PCDH11X: variants seen among roughly 807,000 people sequenced by gnomAD.
PCDH11X encodes the protein protocadherin 11 X-linked, also known as protocadherin-11 X-linked.
In PCDH11X, 18 loss-of-function variants were observed where a neutral mutation model predicts 53.3. That is an observed-to-expected ratio of 0.34 (90% CI 0.23 to 0.50). The LOEUF is 0.50. Among genes scored for constraint, PCDH11X ranks in the 20% least tolerant of loss-of-function variants. The pLI is 0.98. For missense variants in PCDH11X, 570 were observed against 1,032.4 expected (o/e 0.55, Z 6.14); for synonymous variants, 279 against 393.3 (o/e 0.71, Z 3.44).
chrX:92,294,994 G>A (rs1281081216), intron 8 of PCDH11X, among the ~76,000 whole-genome samples: 1 of 96,698 alleles, frequency 1.0e-5, no homozygotes, highest in Non-Finnish European at 2.1e-5. Context: ...AGCCAAAATA[G>A]TAAATACTTA....
At chrX:92,307,963 G>A (rs1220472608) in intron 8 of PCDH11X, among the ~76,000 whole-genome samples, 1 of 104,286 alleles carries the variant, frequency 9.6e-6, no homozygotes, top group Non-Finnish European at 2.0e-5. Context: ...GGAGGTGAAC[G>A]ACTTGTAGAC....
At chrX:92,253,180 A>G (rs2148400680) in intron 7 of PCDH11X, among the ~76,000 whole-genome samples, 1 of 111,813 alleles carries the variant, frequency 8.9e-6, no homozygotes, top group South Asian at 3.7e-4. Flanking sequence ...CTTTCCCAGC[A>G]CCATTTATTG....
chrX:92,193,405 A>G (rs2066234798), intron 6 of PCDH11X, among the ~76,000 whole-genome samples: 1 of 110,981 alleles, frequency 9.0e-6, no homozygotes, highest in Non-Finnish European at 1.9e-5. Context: ...GATGCCAATA[A>G]CCTAAACTAT....
intron 6 of PCDH11X, among the ~76,000 whole-genome samples, chrX:91,957,974 A>T (rs1402035508): frequency 9.1e-6 from 1 of 109,596 alleles, no homozygotes; most frequent in Admixed American, 9.6e-5. Context: ...GAGTGGCTGG[A>T]GCCCCCTCAG....
rs187799051 is a variant in PCDH11X at position 91,850,458 on chromosome X, A to G, written c.540+14414A>G. ...TTTAACTTCTGCTTTGATTCCCAGA[A>G]GGAAAGTATAAATATTATACTGGCT... is the stretch of plus-strand genomic sequence containing the variant. On this transcript the variant is annotated intron_variant, in intron 5 of 10. Coordinates refer to ENST00000682573, the MANE Select transcript of PCDH11X (RefSeq NM_032968.5). 3.7e-3 allele frequency among the ~76,000 whole-genome samples: 414 copies of G among 111,762 alleles called. 4 individuals carry two copies. Among genetic ancestry groups the G allele is most frequent in the African/African-American group, 0.013 (404 of 30,939 alleles).
intron 9 of PCDH11X, among the ~76,000 whole-genome samples, chrX:92,454,489 A>G (rs2072870430): frequency 9.1e-6 from 1 of 109,654 alleles, no homozygotes. Flanking sequence ...ACAAACAGGC[A>G]TAGTTAGCAA....
intron 1 of PCDH11X, among the ~76,000 whole-genome samples, chrX:91,809,141 A>T (rs1197766733): frequency 9.1e-6 from 1 of 109,719 alleles, no homozygotes; most frequent in Non-Finnish European, 1.9e-5. Flanking sequence ...TTCTTCAGTC[A>T]TTCACACTTC....
At chrX:91,805,660 A>AT (rs772321343) in intron 1 of PCDH11X, among the ~76,000 whole-genome samples, 160 of 86,157 alleles carry the variant, frequency 1.9e-3, no homozygotes, top group Middle Eastern at 5.7e-3. Context: ...TACAAAAAAC[A>AT]TTTTTTTTTT....
chrX:92,285,565 T>A (rs1273366007), intron 8 of PCDH11X, among the ~76,000 whole-genome samples: 2 of 111,620 alleles, frequency 1.8e-5, no homozygotes, highest in Non-Finnish European at 3.8e-5. Context: ...TAGAAAATTT[T>A]TATAAAAGTA....
chrX:92,267,627 T>G (rs2067862516), intron 8 of PCDH11X, among the ~76,000 whole-genome samples: 1 of 112,409 alleles, frequency 8.9e-6, no homozygotes, highest in Non-Finnish European at 1.9e-5. Flanking sequence ...AGTGCAGACG[T>G]GTTTGGAGGT....
At chrX:92,605,797 A>C (rs374487861) in intron 10 of PCDH11X, among the ~76,000 whole-genome samples, 1,669 of 111,627 alleles carry the variant, frequency 0.015, 40 homozygotes, top group African/African-American at 0.052. Context: ...ATTCTAAACT[A>C]TTGGTGAAAG....
chrX:92,001,177 T>A (rs918733319), intron 6 of PCDH11X, among the ~76,000 whole-genome samples: 7 of 111,773 alleles, frequency 6.3e-5, no homozygotes, highest in African/African-American at 2.3e-4. Flanking sequence ...GTGATTGTAC[T>A]AATTTCCAAT....
At chrX:92,239,593 A>G (rs992620927) in intron 7 of PCDH11X, among the ~76,000 whole-genome samples, 3 of 111,925 alleles carry the variant, frequency 2.7e-5, no homozygotes, top group African/African-American at 9.7e-5. Context: ...CATTACTGAC[A>G]ATACATATTA....
chrX:92,217,392 G>T (rs2066744242), intron 7 of PCDH11X, among the ~76,000 whole-genome samples: 1 of 101,579 alleles, frequency 9.8e-6, no homozygotes, highest in African/African-American at 3.6e-5. Flanking sequence ...AAAAAGGCAG[G>T]GGTTGCAATC....
chrX:91,927,805 A>G (rs964409231), intron 6 of PCDH11X, among the ~76,000 whole-genome samples: 2 of 111,190 alleles, frequency 1.8e-5, no homozygotes, highest in African/African-American at 3.3e-5. Context: ...AGGCAATGTA[A>G]GAGCTGCAGA....
At chrX:92,183,765 C>T (rs1169389212) in intron 6 of PCDH11X, among the ~76,000 whole-genome samples, 2 of 112,065 alleles carry the variant, frequency 1.8e-5, no homozygotes, top group African/African-American at 3.2e-5. Flanking sequence ...ACACCACGTA[C>T]AGCAAACAAG....
chrX:92,465,358 T>C (rs2073137627), intron 9 of PCDH11X, among the ~76,000 whole-genome samples: 1 of 111,999 alleles, frequency 8.9e-6, no homozygotes, highest in African/African-American at 3.2e-5. Flanking sequence ...TGATTATTTC[T>C]AAACAAATGT....
Position 92,277,974 on chromosome X carries a change from G to T in PCDH11X, c.3144+14831G>T, listed in dbSNP as rs2068146279. Among the ~76,000 whole-genome samples, 5 of 111,806 alleles carry T rather than the reference G, an allele frequency of 4.5e-5. No individual in the cohort carries two copies. In the South Asian group the frequency reaches 1.9e-3, roughly 42 times the overall value. ...CTTCTGACACCTTTGAAACATAGGT[G>T]AATAATCAGAGAGGCGTCCCTGCAA... On this transcript the variant is annotated intron_variant, in intron 8 of 10. Coordinates refer to ENST00000682573, the MANE Select transcript of PCDH11X (RefSeq NM_032968.5).
intron 6 of PCDH11X, among the ~76,000 whole-genome samples, chrX:92,004,897 T>C (rs1275522323): frequency 1.9e-5 from 2 of 103,893 alleles, no homozygotes; most frequent in Non-Finnish European, 3.9e-5. Flanking sequence ...TGCCTCAGCC[T>C]CCCAAGTAGC....
Sources: gnomAD v4.1 joint callset for allele counts (sites outside exome capture counted in the v4.1 genomes callset) on GRCh38, gnomAD v4.1.1 for gene constraint, MANE v1.5 for transcripts, NCBI Gene and HGNC (gene_info 2026-07-23, HGNC 2026-07-21) for gene names.